RAB28: variants seen among roughly 807,000 people sequenced by gnomAD.
The protein encoded by RAB28 is RAB28, member RAS oncogene family, also known as ras-related protein Rab-28.
Under a neutral mutation model 31.7 loss-of-function variants are expected in RAB28, and 24 were observed. The ratio of observed to expected loss-of-function variants is 0.76; its 90% CI spans 0.55 to 1.06. RAB28 has a LOEUF of 1.06. Ranked by LOEUF, RAB28 falls within the 50% of genes least tolerant of loss-of-function variation. The probability of loss-of-function intolerance (pLI) is 0.00; values close to 1 mark genes in which losing one functional copy is unlikely to be tolerated. For synonymous variants in RAB28, 100 were observed against 90.4 expected, an observed-to-expected ratio of 1.11 and a Z score of -0.60; for missense variants, 254 against 258.5, an observed-to-expected ratio of 0.98 and a Z score of 0.12.
chr4:13,425,426 T>C (rs981674261), intron 4 of RAB28, among the ~76,000 whole-genome samples: 1 of 152,148 alleles, frequency 6.6e-6, no homozygotes, highest in African/African-American at 2.4e-5. Context: ...AAACACTGTT[T>C]CCTAGAAGTC....
At chr4:13,475,586 A>G (rs930033743) in intron 2 of RAB28, among the ~76,000 whole-genome samples, 2 of 151,658 alleles carry the variant, frequency 1.3e-5, no homozygotes, top group Admixed American at 6.6e-5. Context: ...TTGTATTACA[A>G]TCTTTCCATT....
intron 4 of RAB28, among the ~76,000 whole-genome samples, chr4:13,448,087 A>G (rs1714786341): frequency 6.6e-6 from 1 of 152,150 alleles, no homozygotes; most frequent in Non-Finnish European, 1.5e-5. Context: ...TACAGCACCT[A>G]GAAAAATATC....
rs1577146685 is a variant in RAB28, at chr4:13,373,192, T to C, written c.573+3353A>G. Among the ~76,000 whole-genome samples the C allele has an allele frequency of 1.3e-4, 20 of 152,236 alleles. 1 individual carries two copies. The South Asian group carries it at 4.1e-3, about 32-fold the overall frequency. ...TTTCTTTATCAATTATCTAATGCAT[T>C]CTTAAAGAGCCGATTGCTGGATTTC... On this transcript the variant is annotated intron_variant, in intron 6 of 6. Coordinates refer to ENST00000330852, the MANE Select transcript of RAB28 (RefSeq NM_001017979.3).
At chr4:13,401,665 C>G (rs1161512073) in intron 4 of RAB28, among the ~76,000 whole-genome samples, 2 of 152,150 alleles carry the variant, frequency 1.3e-5, no homozygotes, top group Non-Finnish European at 2.9e-5. Context: ...TCATTCCTGA[C>G]AGTGTAATTT....
At chr4:13,424,856 A>G (rs1713388538) in intron 4 of RAB28, among the ~76,000 whole-genome samples, 1 of 152,110 alleles carries the variant, frequency 6.6e-6, no homozygotes, top group Admixed American at 6.6e-5. Context: ...TCTCTCTACT[A>G]TTTCATTTCT....
chr4:13,433,177 C>A (rs1713909340), intron 4 of RAB28, among the ~76,000 whole-genome samples: 1 of 149,920 alleles, frequency 6.7e-6, no homozygotes, highest in Admixed American at 6.6e-5. Flanking sequence ...GGTTGCTATT[C>A]TTTTATCAGA....
intron 3 of RAB28, among the ~76,000 whole-genome samples, chr4:13,469,407 T>C (rs904537414): frequency 6.6e-6 from 1 of 152,024 alleles, no homozygotes. Flanking sequence ...CAGCTGCTGT[T>C]CTTCTTCCCA....
intron 4 of RAB28, among the ~76,000 whole-genome samples, chr4:13,411,196 G>A (rs1394805625): frequency 2.6e-5 from 4 of 151,918 alleles, no homozygotes; most frequent in African/African-American, 7.3e-5. Context: ...AGGTTATAAG[G>A]AGAAAAAGAT....
At chr4:13,388,214 C>A (rs1425055498) in intron 4 of RAB28, among the ~76,000 whole-genome samples, 1 of 151,992 alleles carries the variant, frequency 6.6e-6, no homozygotes, top group African/African-American at 2.4e-5. Context: ...AAATAAACCT[C>A]ACATATATGG....
chr4:13,397,340 A>G (rs1384907395), intron 4 of RAB28, among the ~76,000 whole-genome samples: 1 of 152,162 alleles, frequency 6.6e-6, no homozygotes, highest in African/African-American at 2.4e-5. Context: ...TATGGATAGC[A>G]GTTACTTCTG....
chr4:13,393,497 T>C (rs1729736400), intron 4 of RAB28, among the ~76,000 whole-genome samples: 1 of 152,170 alleles, frequency 6.6e-6, no homozygotes, highest in Non-Finnish European at 1.5e-5. Context: ...AAAAAGGGAA[T>C]TCTTGCAGGT....
At chr4:13,455,144 G>C (rs1193702894) in intron 4 of RAB28, among the ~76,000 whole-genome samples, 7 of 152,076 alleles carry the variant, frequency 4.6e-5, no homozygotes, top group Admixed American at 6.5e-5. Flanking sequence ...TCTCAGGCAG[G>C]GGATGCAGAC....
chr4:13,470,205 TTTAG>T (rs1448541450), intron 3 of RAB28, among the ~76,000 whole-genome samples: 2 of 152,110 alleles, frequency 1.3e-5, no homozygotes, highest in African/African-American at 2.4e-5. Context: ...GCTTTAGTTA[TTTAG>T]TTACATATAG....
At chr4:13,436,553 C>G (rs1479696738) in intron 4 of RAB28, among the ~76,000 whole-genome samples, 3 of 152,042 alleles carry the variant, frequency 2.0e-5, no homozygotes, top group Non-Finnish European at 2.9e-5. Context: ...TTTCTATACA[C>G]CAATAATGTT....
chr4:13,374,181 T>C (rs1728832034), intron 6 of RAB28, among the ~76,000 whole-genome samples: 1 of 152,120 alleles, frequency 6.6e-6, no homozygotes, highest in African/African-American at 2.4e-5. Flanking sequence ...CTGCAGTAAC[T>C]TGAATTCACC....
intron 4 of RAB28, among the ~76,000 whole-genome samples, chr4:13,393,290 A>G (rs1341734937): frequency 1.3e-5 from 2 of 152,214 alleles, no homozygotes; most frequent in Admixed American, 1.3e-4. Flanking sequence ...CCTTAAGGAT[A>G]GAGAGGATGT....
At chr4:13,416,023 G>A (rs573547667) in intron 4 of RAB28, among the ~76,000 whole-genome samples, 1 of 152,260 alleles carries the variant, frequency 6.6e-6, no homozygotes, top group Non-Finnish European at 1.5e-5. Context: ...TTAGGGACTT[G>A]GAGAACCTTT....
intron 6 of RAB28, among the ~76,000 whole-genome samples, chr4:13,373,714 C>T (rs28535556): frequency 0.038 from 5,778 of 152,210 alleles, 187 homozygotes; most frequent in African/African-American, 0.087. Flanking sequence ...AGCAGAATCT[C>T]TTTAAATTGT....
At chr4:13,393,653 T>G (rs1470852198) in intron 4 of RAB28, among the ~76,000 whole-genome samples, 1 of 151,970 alleles carries the variant, frequency 6.6e-6, no homozygotes, top group Non-Finnish European at 1.5e-5. Flanking sequence ...TCCTATAGGT[T>G]TTCTGATTAT....
Sources: gnomAD v4.1 joint callset for allele counts (sites outside exome capture counted in the v4.1 genomes callset) on GRCh38, gnomAD v4.1.1 for gene constraint, MANE v1.5 for transcripts, NCBI Gene and HGNC (gene_info 2026-07-23, HGNC 2026-07-21) for gene names.